PLAGL2: variants seen among roughly 807,000 people sequenced by gnomAD.
PLAGL2 encodes the protein zinc finger protein PLAGL2.
PLAGL2 carries 7 observed loss-of-function variants against 29.0 expected under a neutral mutation model. That is an observed-to-expected ratio of 0.24 (90% CI 0.14 to 0.45). The LOEUF (loss-of-function observed/expected upper bound fraction) is 0.45. PLAGL2 is among the 20% of genes least tolerant of loss of function. PLAGL2 has a pLI of 0.99. For synonymous variants in PLAGL2, 234 were observed against 266.0 expected, an observed-to-expected ratio of 0.88 and a Z score of 1.17; for missense variants, 454 against 648.2, an observed-to-expected ratio of 0.70 and a Z score of 3.25.
chr20:32,198,238 G>C (rs927601273), intron 2 of PLAGL2, among the ~76,000 whole-genome samples: 2 of 152,182 alleles, frequency 1.3e-5, no homozygotes, highest in Non-Finnish European at 2.9e-5. Flanking sequence ...AATTTTCATC[G>C]TATAAGTTTT....
rs147533540 is a variant in PLAGL2, at chr20:32,206,205, T to A, written c.-115+1436A>T. Among the ~76,000 whole-genome samples, 1,097 of 152,162 alleles carry A rather than the reference T, an allele frequency of 7.2e-3. 35 individuals carry two copies. Among genetic ancestry groups the A allele is most frequent in the Admixed American group, 0.054 (820 of 15,288 alleles). Reference sequence around the variant, plus strand: ...AGAAACAAATCCTAAAACACACTGGTTGGCTGGAAAACAGTGAGAAGAGGG... The same window carrying A: ...AGAAACAAATCCTAAAACACACTGGATGGCTGGAAAACAGTGAGAAGAGGG... On this transcript the variant is annotated intron_variant, in intron 1 of 2. Coordinates refer to ENST00000246229, the MANE Select transcript of PLAGL2 (RefSeq NM_002657.3).
chr20:32,199,563 A>G (rs1425911603), intron 2 of PLAGL2, among the ~76,000 whole-genome samples: 6 of 152,224 alleles, frequency 3.9e-5, no homozygotes, highest in Admixed American at 3.9e-4. Context: ...GGCCGGGTGC[A>G]GTGGCTCATG....
Position 32,193,296 on chromosome 20 carries a change from C to T in PLAGL2, c.*3156G>A, listed in dbSNP as rs1231916803. 3 of 152,018 alleles carry T rather than the reference C, an allele frequency of 2.0e-5. No individual in the cohort carries two copies. The highest frequency in any genetic ancestry group is 4.4e-5 in the Non-Finnish European group (3 of 68,024). The allele number at this position is 152,018 out of a possible 1,614,324, so 9.4% of individuals were successfully genotyped here. Reference sequence around the variant, plus strand: ...AAAGTTTTAGGGCAGTGGGAGAATTCCAACTTAGGACAATATCTACGAGCA... The same window carrying T: ...AAAGTTTTAGGGCAGTGGGAGAATTTCAACTTAGGACAATATCTACGAGCA... On this transcript the variant is annotated 3_prime_UTR_variant, in exon 3 of 3. Transcript: ENST00000246229.
At chr20:32,206,924 G>T (rs1330671372) in intron 1 of PLAGL2, among the ~76,000 whole-genome samples, 3 of 152,112 alleles carry the variant, frequency 2.0e-5, no homozygotes, top group Non-Finnish European at 2.9e-5. Context: ...GGAATCATGA[G>T]CAACTTTCCT....
In PLAGL2 at chr20:32,194,310, A is replaced by G. The variant is rs6061216; in HGVS notation, c.*2142T>C. 0.69 allele frequency: 104,416 copies of G among 152,196 alleles called. 37,788 individuals carry two copies. Among genetic ancestry groups the G allele is most frequent in the East Asian group, 0.99 (5,147 of 5,188 alleles). The allele number at this position is 152,196 out of a possible 1,614,324, so 9.4% of individuals were successfully genotyped here. On this transcript the variant is annotated 3_prime_UTR_variant, in exon 3 of 3. Transcript: ENST00000246229. ...CCCAACTGGATTCTCACATACCATC[A>G]CCTATAATACAAGTCCCAATAACAT...
rs1600372443 is a variant in PLAGL2, at chr20:32,195,592, T to A, written c.*860A>T. The A allele has an allele frequency of 6.6e-6, 1 of 152,648 alleles. No individual in the cohort carries two copies. Among genetic ancestry groups the A allele is most frequent in the Non-Finnish European group, 1.5e-5 (1 of 68,044 alleles). 9.5% of individuals were successfully genotyped at this position (152,648 alleles called of 1,614,324 possible). On this transcript the variant is annotated 3_prime_UTR_variant, in exon 3 of 3. Transcript: ENST00000246229. ...TACCGCCGAGGCAGGCAGGAACAAA[T>A]GCAGTCATGGAAGATGGCAGAGACT... is the stretch of plus-strand genomic sequence containing the variant.
At chr20:32,205,396 T>C (rs190476485) in intron 1 of PLAGL2, among the ~76,000 whole-genome samples, 3 of 152,236 alleles carry the variant, frequency 2.0e-5, no homozygotes, top group Non-Finnish European at 4.4e-5. Flanking sequence ...CCAGGCACCA[T>C]CTCCTGGGCC....
In PLAGL2 at chr20:32,202,078, G is replaced by A. The variant is rs144874206; in HGVS notation, c.101C>T (p.Ala34Val). 1.5e-4 allele frequency: 248 copies of A among 1,614,184 alleles called. 1 individual carries two copies. The African/African-American group carries it at 2.8e-3, about 18-fold the overall frequency. The change falls in exon 2 of 3, where the codon GCG (alanine) becomes GTG (valine). Residue 34 changes from alanine (A) to valine (V), a missense_variant. Ala to Val is a moderately conservative substitution (Grantham distance 64). Around this residue, in one of 4 missense-constraint regions of PLAGL2, gnomAD observed 89 missense variants for 90.4 expected, o/e 0.98. Transcript: ENST00000246229. ...ACATTGGCACTTCACTTGACTCTCC[G>A]CCTCCCGGCCCCGAGGCCTGGGAAC... is the stretch of plus-strand genomic sequence containing the variant. ...KLVPRPRGRE[A>V]ESQVKCQCEI...
At chr20:32,202,446 A>G (rs985944061) in intron 1 of PLAGL2, among the ~76,000 whole-genome samples, 154 bp from the exon 2 acceptor site, 1 of 152,236 alleles carries the variant, frequency 6.6e-6, no homozygotes, top group Non-Finnish European at 1.5e-5. Flanking sequence ...TTCCTCATTT[A>G]TAAAATGGGC....
At chr20:32,205,031 G>C (rs1039319860) in intron 1 of PLAGL2, among the ~76,000 whole-genome samples, 1 of 152,138 alleles carries the variant, frequency 6.6e-6, no homozygotes, top group African/African-American at 2.4e-5. Flanking sequence ...CCATAGGCAG[G>C]TTACTTTATT....
At position 32,193,309 on chromosome 20, in the gene PLAGL2, A is replaced by G. The variant is rs1246303377; in HGVS notation, c.*3143T>C. ...AGTGGGAGAATTCCAACTTAGGACA[A>G]TATCTACGAGCAAAAAAGTAATCAC... On this transcript the variant is annotated 3_prime_UTR_variant, in exon 3 of 3. Coordinates refer to ENST00000246229, the MANE Select transcript of PLAGL2 (RefSeq NM_002657.3). The G allele has an allele frequency of 2.0e-5, 3 of 152,180 alleles. No homozygotes were observed. The highest frequency in any genetic ancestry group is 4.4e-5 in the Non-Finnish European group (3 of 68,048). The allele number at this position is 152,180 out of a possible 1,614,324, so 9.4% of individuals were successfully genotyped here. A position where few individuals can be genotyped will look rare whatever the true frequency, so the allele number is the denominator to read the frequency against.
chr20:32,201,874 C>T, intron 2 of PLAGL2, 45 bp downstream of exon 2: 1 of 1,553,550 alleles, frequency 6.4e-7, no homozygotes, highest in Non-Finnish European at 8.8e-7. Context: ...TGCTTTTTCC[C>T]TCTGGGAACC....
intron 2 of PLAGL2, among the ~76,000 whole-genome samples, chr20:32,200,028 G>A (rs1569140933): frequency 6.6e-6 from 1 of 152,150 alleles, no homozygotes; most frequent in Non-Finnish European, 1.5e-5. Context: ...ATGAGGAACT[G>A]AGGCTTTGTG....
chr20:32,203,758 G>A (rs1315995905), intron 1 of PLAGL2, among the ~76,000 whole-genome samples: 1 of 152,184 alleles, frequency 6.6e-6, no homozygotes, highest in Non-Finnish European at 1.5e-5. Context: ...GCCCCAGAGA[G>A]CTTTGCTCAT....
chr20:32,196,361 A>G lies in PLAGL2; in HGVS notation c.*91T>C. The stretch of plus-strand genomic sequence containing the variant: ...TTTTTTTTTTTGAACCCAGCTCTGA[A>G]AGCTCAGCTGCCTTCATGGGGGACA... On this transcript the variant is annotated 3_prime_UTR_variant, in exon 3 of 3. Transcript: ENST00000246229. 9.8e-7 allele frequency: 1 copy of G among 1,021,722 alleles called. No homozygotes were observed. Among genetic ancestry groups the G allele is most frequent in the Non-Finnish European group, 1.3e-6 (1 of 747,396 alleles). The allele number at this position is 1,021,722 out of a possible 1,614,324, so 63.3% of individuals were successfully genotyped here. A position where few individuals can be genotyped will look rare whatever the true frequency, so the allele number is the denominator to read the frequency against.
At position 32,192,541 on chromosome 20, in the gene PLAGL2, T is replaced by C. The variant is rs2047206193; in HGVS notation, c.*3911A>G. The stretch of plus-strand genomic sequence containing the variant: ...AGAAGTTTTTAATAAACAACTTCAT[T>C]ATAAAAACCTTTTTTTGAAAATGTA... On this transcript the variant is annotated 3_prime_UTR_variant, in exon 3 of 3. Coordinates refer to ENST00000246229, the MANE Select transcript of PLAGL2 (RefSeq NM_002657.3). The C allele has an allele frequency of 6.6e-6, 1 of 152,626 alleles. No homozygotes were observed. The highest frequency in any genetic ancestry group is 1.5e-5 in the Non-Finnish European group (1 of 68,040). The allele number at this position is 152,626 out of a possible 1,614,324, so 9.5% of individuals were successfully genotyped here.
Position 32,197,707 on chromosome 20 carries a change from G to C in PLAGL2, c.261-25C>G. On this transcript the variant is annotated intron_variant, in intron 2 of 2. Coordinates refer to ENST00000246229, the MANE Select transcript of PLAGL2 (RefSeq NM_002657.3). This position sits in a 1 kb window ranked among gnomAD's most constrained non-coding sequence, Gnocchi z 6.6. ...CCTGGGGGTAGAGACAGGGGATAGG[G>C]GAGAAAGCAGAAAGAGGGGAGATCA... 1 of 1,599,206 alleles carries C rather than the reference G, an allele frequency of 6.3e-7. No individual in the cohort carries two copies. The highest frequency in any genetic ancestry group is 8.5e-7 in the Non-Finnish European group (1 of 1,169,630).
Position 32,202,183 on chromosome 20 carries a change from A to G in PLAGL2, c.-5T>C, listed in dbSNP as rs779674647. On this transcript the variant is annotated 5_prime_UTR_variant, in exon 2 of 3. Coordinates refer to ENST00000246229, the MANE Select transcript of PLAGL2 (RefSeq NM_002657.3). ...GCTGGTGAAAAATGTGGTCATGGCA[A>G]GGCTAATGGCAAAGGGCCATGTTAT... The G allele has an allele frequency of 6.8e-6, 11 of 1,613,678 alleles. No individual in the cohort carries two copies. Among genetic ancestry groups the G allele is most frequent in the Non-Finnish European group, 8.5e-6 (10 of 1,179,838 alleles).
chr20:32,202,243 T>C lies in PLAGL2; in HGVS notation c.-65A>G. ...CTCCCCATCCGCTCCACACAGGCTC[T>C]CAGCTCTGTCACAGCCTCCAACGCA... On this transcript the variant is annotated 5_prime_UTR_variant, in exon 2 of 3. Coordinates refer to ENST00000246229, the MANE Select transcript of PLAGL2 (RefSeq NM_002657.3). 1 of 1,529,292 alleles carries C rather than the reference T, an allele frequency of 6.5e-7. No homozygotes were observed. Among genetic ancestry groups the C allele is most frequent in the Non-Finnish European group, 9.0e-7 (1 of 1,113,474 alleles). The allele number at this position is 1,529,292 out of a possible 1,614,324, so 94.7% of individuals were successfully genotyped here.
Sources: allele counts gnomAD v4.1 joint callset (sites outside exome capture counted in the v4.1 genomes callset), GRCh38; gene constraint gnomAD v4.1.1; regional missense constraint gnomAD v4.1.1; non-coding constraint Gnocchi (gnomAD v3.1); transcripts MANE v1.5; gene names NCBI Gene and HGNC (gene_info 2026-07-23, HGNC 2026-07-21).